TENM2: variants seen among roughly 807,000 people sequenced by gnomAD.
TENM2 encodes teneurin-2.
In TENM2, 52 loss-of-function variants were observed where a neutral mutation model predicts 245.2. The ratio of observed to expected loss-of-function variants is 0.21; its 90% CI spans 0.17 to 0.27. The LOEUF is 0.27. Among genes scored for constraint, TENM2 ranks in the 10% least tolerant of loss-of-function variants. TENM2 has a pLI of 1.00. For synonymous variants in TENM2, 1,363 were observed against 1,438.9 expected, an observed-to-expected ratio of 0.95 and a Z score of 1.19; for missense variants, 3,046 against 3,666.8, an observed-to-expected ratio of 0.83 and a Z score of 4.37.
At chr5:167,351,753 C>T (rs1330780323) in intron 1 of TENM2, among the ~76,000 whole-genome samples, 1 of 152,114 alleles carries the variant, frequency 6.6e-6, no homozygotes, top group Non-Finnish European at 1.5e-5. Context: ...CAAAAGTTTG[C>T]TGGCCCCAAG....
the TENM2 span, among the ~76,000 whole-genome samples, chr5:167,279,053 G>T: frequency 6.6e-6 from 1 of 152,176 alleles, no homozygotes; most frequent in Non-Finnish European, 1.5e-5. Context: ...TTGGATGTAG[G>T]ATTGTAGTTT....
intron 2 of TENM2, among the ~76,000 whole-genome samples, chr5:167,847,249 A>T (rs187871154): frequency 1.2e-4 from 18 of 152,302 alleles, no homozygotes; most frequent in Non-Finnish European, 2.4e-4. Context: ...CGCCATGCCC[A>T]GCCTCACCCT....
chr5:168,128,715 T>G (rs1190365187), intron 12 of TENM2: 1 of 152,270 alleles, frequency 6.6e-6, no homozygotes, highest in Non-Finnish European at 1.5e-5. Context: ...CTGCTGCCTG[T>G]TTTTCCATGG....
intron 2 of TENM2, among the ~76,000 whole-genome samples, chr5:167,406,194 G>C (rs1762629541): frequency 6.6e-6 from 1 of 152,084 alleles, no homozygotes; most frequent in Admixed American, 6.6e-5. Flanking sequence ...TACTTGTAAA[G>C]TTTGCTTAGA....
intron 1 of TENM2, among the ~76,000 whole-genome samples, chr5:167,362,019 T>C (rs1759746157): frequency 6.6e-6 from 1 of 152,216 alleles, no homozygotes; most frequent in Non-Finnish European, 1.5e-5. Context: ...CCTTCTATTC[T>C]TGAACTCCTT....
At chr5:167,823,783 T>C (rs1218931489) in intron 2 of TENM2, among the ~76,000 whole-genome samples, 4 of 152,140 alleles carry the variant, frequency 2.6e-5, no homozygotes, top group South Asian at 2.1e-4. Flanking sequence ...CTATCCTAAA[T>C]AGCCACAGAT....
At chr5:167,066,066 T>G in the TENM2 span, among the ~76,000 whole-genome samples, 2 of 152,104 alleles carry the variant, frequency 1.3e-5, no homozygotes, top group African/African-American at 4.8e-5. Context: ...CTGGGTGGTG[T>G]GAGTGCTGGG....
rs535032333 is a variant in TENM2 at position 168,220,406 on chromosome 5, G to A, written c.5108+1407G>A. Among the ~76,000 whole-genome samples, 14 of 152,312 alleles carry A rather than the reference G, an allele frequency of 9.2e-5. No individual in the cohort carries two copies. In the South Asian group the frequency reaches 2.5e-3, roughly 27 times the overall value. On this transcript the variant is annotated intron_variant, in intron 23 of 28. Transcript: ENST00000518659. ...GCATCCACAGATCTGAACTCTAAAA[G>A]GGAAAGTATTTTCCAGAAAGTGTCC...
intron 2 of TENM2, among the ~76,000 whole-genome samples, chr5:167,767,680 T>G (rs931527454): frequency 2.0e-5 from 3 of 152,206 alleles, no homozygotes; most frequent in African/African-American, 7.2e-5. Flanking sequence ...TATGATCACT[T>G]AGTGGCAATA....
rs553103470 is a variant in TENM2 at position 168,117,719 on chromosome 5, T to A, written c.1814-573T>A. ...AAAACTGAGGCAGTGAGACTTTCAG[T>A]GGCTCAGCTGTGTCTCATCCCCACT... On this transcript the variant is annotated intron_variant, in intron 9 of 28. Transcript: ENST00000518659. Among the ~76,000 whole-genome samples, 47 of 152,228 alleles carry A rather than the reference T, an allele frequency of 3.1e-4. 1 individual carries two copies. The highest frequency in any genetic ancestry group is 6.0e-4 in the Non-Finnish European group (41 of 68,044).
chr5:167,505,565 G>C (rs1432882), intron 2 of TENM2, among the ~76,000 whole-genome samples: 87,826 of 151,950 alleles, frequency 0.58, 25,760 homozygotes, highest in South Asian at 0.69. Context: ...AGGTAAACTT[G>C]TTGTTTTAAA....
At chr5:167,166,533 A>G in the TENM2 span, among the ~76,000 whole-genome samples, 1 of 152,170 alleles carries the variant, frequency 6.6e-6, no homozygotes, top group South Asian at 2.1e-4. Context: ...AAAAGAATGT[A>G]TATATGGAAG....
At chr5:167,867,410 G>A (rs1772415214) in intron 2 of TENM2, among the ~76,000 whole-genome samples, 1 of 152,174 alleles carries the variant, frequency 6.6e-6, no homozygotes, top group Non-Finnish European at 1.5e-5. Flanking sequence ...AAACTGTGAA[G>A]ATAGTTCATG....
chr5:167,048,908 G>A, the TENM2 span, among the ~76,000 whole-genome samples: 3 of 152,152 alleles, frequency 2.0e-5, no homozygotes, highest in Non-Finnish European at 4.4e-5. Flanking sequence ...CTTTGAAAAT[G>A]TCATTGAAGC....
At chr5:167,548,541 C>G (rs1772719230) in intron 2 of TENM2, among the ~76,000 whole-genome samples, 1 of 111,794 alleles carries the variant, frequency 8.9e-6, no homozygotes, top group Non-Finnish European at 1.9e-5. Flanking sequence ...GTATTTATTA[C>G]AGGTCACAGA....
the TENM2 span, among the ~76,000 whole-genome samples, chr5:167,236,451 G>T: frequency 6.6e-6 from 1 of 152,190 alleles, no homozygotes; most frequent in South Asian, 2.1e-4. Flanking sequence ...GAAGGTCACT[G>T]AGTGGCTCCA....
At chr5:166,998,478 T>A in the TENM2 span, among the ~76,000 whole-genome samples, 1 of 152,126 alleles carries the variant, frequency 6.6e-6, no homozygotes, top group Non-Finnish European at 1.5e-5. Flanking sequence ...AACTTCCAAC[T>A]GCAGTAATCA....
At chr5:168,099,571 C>G (rs941177818) in intron 9 of TENM2, among the ~76,000 whole-genome samples, 2 of 152,170 alleles carry the variant, frequency 1.3e-5, no homozygotes, top group African/African-American at 4.8e-5. Flanking sequence ...AACTAATCTT[C>G]CCGTTATTTT....
the TENM2 span, among the ~76,000 whole-genome samples, chr5:167,089,167 G>T: frequency 1.3e-5 from 2 of 152,296 alleles, no homozygotes; most frequent in East Asian, 1.9e-4. Flanking sequence ...GTTATAAATA[G>T]TGCTCAGGTT....
Sources: gnomAD v4.1 joint callset for allele counts (sites outside exome capture counted in the v4.1 genomes callset) on GRCh38, gnomAD v4.1.1 for gene constraint, MANE v1.5 for transcripts, NCBI Gene and HGNC (gene_info 2026-07-23, HGNC 2026-07-21) for gene names.